Variants in TMOD4 observed in about 807,000 individuals in gnomAD.
TMOD4 encodes tropomodulin-4.
Under a neutral mutation model 45.4 loss-of-function variants are expected in TMOD4, and 34 were observed. The ratio of observed to expected loss-of-function variants is 0.75; its 90% CI spans 0.57 to 1.00. TMOD4 has a LOEUF of 1.00. TMOD4 is among the 50% of genes least tolerant of loss of function. The pLI, the probability that TMOD4 is intolerant of heterozygous loss-of-function variation, is 0.00. For missense variants in TMOD4, 399 were observed against 437.5 expected, an observed-to-expected ratio of 0.91 and a Z score of 0.78; for synonymous variants, 131 against 153.9, an observed-to-expected ratio of 0.85 and a Z score of 1.10.
Position 151,170,122 on chromosome 1 carries a change from A to G in TMOD4, c.1016-19T>C. On this transcript the variant is annotated intron_variant, in intron 9 of 9. Coordinates refer to ENST00000295314, the MANE Select transcript of TMOD4 (RefSeq NM_013353.3). ...TGGCGACCTGTAAAGGAGCAATATT[A>G]AACATAAGTGTTTGTTCCAGCTCCT... is the stretch of plus-strand genomic sequence containing the variant. 1 of 1,614,128 alleles carries G rather than the reference A, an allele frequency of 6.2e-7. No homozygotes were observed.
At chr1:151,174,706 C>T in intron 2 of TMOD4, 47 bp downstream of exon 2, 1 of 1,612,152 alleles carries the variant, frequency 6.2e-7, no homozygotes, top group Non-Finnish European at 8.5e-7. Context: ...CAACACCCTT[C>T]CCAAATGCCT....
chr1:151,170,195 C>A, intron 9 of TMOD4, 92 bp from the exon 10 acceptor site: 2 of 1,504,686 alleles, frequency 1.3e-6, no homozygotes, highest in South Asian at 2.3e-5. Flanking sequence ...TAGCCAAACT[C>A]ATAAATTGGT....
chr1:151,170,488 C>G (rs1331891093), intron 9 of TMOD4, 31 bp downstream of exon 9: 2 of 1,612,916 alleles, frequency 1.2e-6, no homozygotes, highest in Non-Finnish European at 1.7e-6. Context: ...CTTCCCTGAC[C>G]ACTCCACACA....
In TMOD4 at chr1:151,174,767, C is replaced by G; in HGVS notation, c.109G>C (p.Glu37Gln). ...GGAGCCCCTACCTCAGGATCCATCT[C>G]CTGTAGTTCGCAGTCCAGCTGCTCT... ...ELEQLDCELQ[E>Q]MDPENMLLPA... is the part of the protein sequence containing the mutation. The change falls in exon 2 of 10, where the codon GAG (glutamate) becomes CAG (glutamine). Residue 37 changes from glutamate to glutamine, a missense_variant. By Grantham distance (29) the Glu-to-Gln change is conservative. Transcript: ENST00000295314. 1.2e-6 allele frequency: 2 copies of G among 1,613,952 alleles called. No homozygotes were observed. Among genetic ancestry groups the G allele is most frequent in the Non-Finnish European group, 8.5e-7 (1 of 1,180,026 alleles).
In TMOD4 at chr1:151,174,924, A is replaced by G; in HGVS notation, c.-42-7T>C. The G allele has an allele frequency of 1.2e-6, 2 of 1,612,162 alleles. No homozygotes were observed. Among genetic ancestry groups the G allele is most frequent in the Non-Finnish European group, 1.7e-6 (2 of 1,178,854 alleles). On this transcript the variant is annotated splice_region_variant and splice_polypyrimidine_tract_variant and intron_variant, in intron 1 of 9. Coordinates refer to ENST00000295314, the MANE Select transcript of TMOD4 (RefSeq NM_013353.3). ...TGTGTGGTACTCACAGAGCCTGGGC[A>G]ACATGGGACAAAAGGATGGACAATG...
chr1:151,173,981 T>C (rs145332889), intron 3 of TMOD4, among the ~76,000 whole-genome samples: 3,129 of 151,006 alleles, frequency 0.021, 52 homozygotes, highest in Middle Eastern at 0.086. Context: ...TTTGGGAGGC[T>C]AAGGCGGGCA....
intron 8 of TMOD4, 105 bp from the exon 9 acceptor site, chr1:151,170,768 T>C: frequency 6.5e-7 from 1 of 1,528,316 alleles, no homozygotes; most frequent in Non-Finnish European, 8.9e-7. Context: ...TTCTCCACAG[T>C]GGGTGAAGAG....
intron 8 of TMOD4, 71 bp downstream of exon 8, chr1:151,170,849 G>GC: frequency 6.4e-7 from 1 of 1,567,600 alleles, no homozygotes; most frequent in South Asian, 1.2e-5. Context: ...TAAGATAGCT[G>GC]CCCCACTGGC....
In TMOD4 at chr1:151,174,389, AC is replaced by A. The variant is rs1376547084; in HGVS notation, c.280+1del. The A allele has an allele frequency of 1.2e-6, 2 of 1,613,678 alleles. No individual in the cohort carries two copies. The highest frequency in any genetic ancestry group is 1.7e-5 in the Admixed American group (1 of 59,952). ...GAGGCATGGATGTCAGGGTCCCCAT[AC>A]CCTTCTTCTCGCCTGTGAAGGGCAC... On this transcript the variant is annotated splice_donor_variant, in intron 3 of 9. Transcript: ENST00000295314. LOFTEE classifies it high-confidence loss of function.
In TMOD4 at chr1:151,172,312, T is replaced by A; in HGVS notation, c.443A>T (p.Asp148Val). Residue 148 changes from aspartate (D) to valine (V), a missense_variant, in exon 5 of 10, where the codon GAT becomes GTT. Transcript: ENST00000295314. ...YTLMSNKQYY[D>V]ALCSGEICNT... ...GCAGATTTCTCCACTGCAGAGGGCA[T>A]CATAGTATTGCTTGTTACTCATCAG... The A allele has an allele frequency of 1.9e-6, 3 of 1,613,908 alleles. No homozygotes were observed. The highest frequency in any genetic ancestry group is 2.5e-6 in the Non-Finnish European group (3 of 1,179,862).
At chr1:151,174,336 A>T (rs1684040505) in intron 3 of TMOD4, 55 bp downstream of exon 3, 1 of 1,583,842 alleles carries the variant, frequency 6.3e-7, no homozygotes, top group South Asian at 1.1e-5. Flanking sequence ...GGGACGAGTG[A>T]GAGACAGCAC....
At chr1:151,174,060 TA>T (rs1436508296) in intron 3 of TMOD4, among the ~76,000 whole-genome samples, 21 of 151,596 alleles carry the variant, frequency 1.4e-4, no homozygotes, top group East Asian at 1.9e-4. Flanking sequence ...CTAAAAATAC[TA>T]AAAAATTAGC....
In TMOD4 at chr1:151,173,023, G is replaced by A. The variant is rs1230736753; in HGVS notation, c.397+476C>T. Among the ~76,000 whole-genome samples, 5 of 152,102 alleles carry A rather than the reference G, an allele frequency of 3.3e-5. No homozygotes were observed. In the South Asian group the frequency reaches 6.2e-4, roughly 19 times the overall value. On this transcript the variant is annotated intron_variant, in intron 4 of 9. Transcript: ENST00000295314. ...TTTTTAGTAGTGACGGGGTTTCACC[G>A]TGTTAGCCAGGATGTTCTCGATCTC...
rs1465072459 is a variant in TMOD4 at position 151,174,390 on chromosome 1, C to A, written c.280+1G>T. ...AGGCATGGATGTCAGGGTCCCCATA[C>A]CCTTCTTCTCGCCTGTGAAGGGCAC... On this transcript the variant is annotated splice_donor_variant, in intron 3 of 9. Coordinates refer to ENST00000295314, the MANE Select transcript of TMOD4 (RefSeq NM_013353.3). LOFTEE classifies it high-confidence loss of function. 1.2e-6 allele frequency: 2 copies of A among 1,613,958 alleles called. No homozygotes were observed. The highest frequency in any genetic ancestry group is 8.5e-7 in the Non-Finnish European group (1 of 1,179,898).
chr1:151,170,350 A>T, intron 9 of TMOD4, 169 bp downstream of exon 9: 1 of 1,040,870 alleles, frequency 9.6e-7, no homozygotes, highest in Non-Finnish European at 1.4e-6. Context: ...TATTTGGGGC[A>T]GGGGGAGTTT....
At chr1:151,173,361 A>G in intron 4 of TMOD4, 138 bp downstream of exon 4, 1 of 680,538 alleles carries the variant, frequency 1.5e-6, no homozygotes, top group Non-Finnish European at 2.6e-6. Context: ...TAAACAAACA[A>G]GAAAAGCTTG....
intron 5 of TMOD4, 75 bp from the exon 6 acceptor site, chr1:151,171,838 C>CTTTTCT: frequency 1.5e-6 from 2 of 1,300,010 alleles, no homozygotes; most frequent in Non-Finnish European, 1.0e-6. Context: ...CTTTTCTTTT[C>CTTTTCT]TTTTTTTTTT....
Position 151,172,248 on chromosome 1 carries a change from T to C in TMOD4, c.487+20A>G. On this transcript the variant is annotated intron_variant, in intron 5 of 9. Transcript: ENST00000295314. The stretch of plus-strand genomic sequence containing the variant: ...TGCCTGCCCAGAGCCCTGGGGACCA[T>C]GCTCCCCAAACACACTCACTGCTAA... The C allele has an allele frequency of 6.2e-7, 1 of 1,601,786 alleles. No individual in the cohort carries two copies. Among genetic ancestry groups the C allele is most frequent in the South Asian group, 1.1e-5 (1 of 90,802 alleles).
At chr1:151,174,573 G>T in intron 2 of TMOD4, 26 bp from the exon 3 acceptor site, 1 of 1,612,206 alleles carries the variant, frequency 6.2e-7, no homozygotes. Context: ...TGGGGAGCAA[G>T]TCAGACCTCC....
Sources: allele counts gnomAD v4.1 joint callset (sites outside exome capture counted in the v4.1 genomes callset), GRCh38; gene constraint gnomAD v4.1.1; transcripts MANE v1.5; gene names NCBI Gene and HGNC (gene_info 2026-07-23, HGNC 2026-07-21).